VEPH1: variants seen among roughly 807,000 people sequenced by gnomAD.
VEPH1 encodes the protein ventricular zone-expressed PH domain-containing protein homolog 1.
A neutral mutation model predicts 85.2 loss-of-function variants in VEPH1; 80 were observed. The observed-to-expected ratio is 0.94, with a 90% CI of 0.78 to 1.13. VEPH1 has a LOEUF of 1.13. VEPH1 is among the 50% of genes most tolerant of loss of function. The pLI, the probability that VEPH1 is intolerant of heterozygous loss-of-function variation, is 0.00. For synonymous variants in VEPH1, 297 were observed against 348.0 expected (o/e 0.85, Z 1.63); for missense variants, 955 against 980.5 (o/e 0.97, Z 0.35).
At chr3:157,405,478 C>G (rs1731076624) in intron 6 of VEPH1, among the ~76,000 whole-genome samples, 1 of 152,116 alleles carries the variant, frequency 6.6e-6, no homozygotes, top group South Asian at 2.1e-4. Flanking sequence ...AAAACAGGAA[C>G]TATCTGCTAA....
chr3:157,398,589 A>C (rs1383274385), intron 6 of VEPH1, among the ~76,000 whole-genome samples: 2 of 151,718 alleles, frequency 1.3e-5, no homozygotes, highest in Non-Finnish European at 2.9e-5. Context: ...AGCCAAGATC[A>C]CGCCACTGCA....
chr3:157,306,790 A>T (rs185827412), intron 11 of VEPH1, among the ~76,000 whole-genome samples: 16 of 152,154 alleles, frequency 1.1e-4, no homozygotes, highest in African/African-American at 3.6e-4. Context: ...GGATGAATGA[A>T]GTCTGAGATT....
At chr3:157,431,277 T>C (rs905831422) in intron 4 of VEPH1, among the ~76,000 whole-genome samples, 7 of 152,304 alleles carry the variant, frequency 4.6e-5, no homozygotes, top group African/African-American at 1.7e-4. Flanking sequence ...ACTGAGTCAA[T>C]TAAACCTCTT....
intron 11 of VEPH1, among the ~76,000 whole-genome samples, chr3:157,303,240 A>AAT (rs1386071045): frequency 6.6e-6 from 1 of 152,206 alleles, no homozygotes; most frequent in Non-Finnish European, 1.5e-5. Flanking sequence ...TGCTCAGAGA[A>AAT]GGCTTCCTTG....
intron 6 of VEPH1, among the ~76,000 whole-genome samples, chr3:157,385,219 C>CAAA (rs66539962): frequency 6.6e-5 from 9 of 135,478 alleles, no homozygotes; most frequent in South Asian, 2.4e-4. Flanking sequence ...CTCCTCCCAT[C>CAAA]AAAAAAAAAA....
chr3:157,364,712 C>G lies in VEPH1; in HGVS notation c.1128-200G>C, dbSNP rs75812544. ...GCTTGTTCTGCCAGAAATTTAGAAA[C>G]AGTGGTGTTTATGTGAACTTTGTAT... On this transcript the variant is annotated intron_variant, in intron 7 of 13. Transcript: ENST00000362010. Among the ~76,000 whole-genome samples the G allele has an allele frequency of 1.9e-3, 294 of 152,254 alleles. 8 individuals carry two copies. In the East Asian group the frequency reaches 0.031, roughly 16 times the overall value.
intron 9 of VEPH1, among the ~76,000 whole-genome samples, chr3:157,323,125 T>C (rs1035858835): frequency 6.6e-6 from 1 of 152,230 alleles, no homozygotes; most frequent in Non-Finnish European, 1.5e-5. Context: ...TATTTTAGAC[T>C]AAAACTCTAT....
chr3:157,470,290 G>T (rs372063713), intron 3 of VEPH1, 24 bp downstream of exon 3: 433 of 1,608,052 alleles, frequency 2.7e-4, no homozygotes, highest in Non-Finnish European at 3.5e-4. Flanking sequence ...GTATCAAATA[G>T]CCTGATGTTG....
chr3:157,437,696 C>T, intron 4 of VEPH1: 2 of 1,532,020 alleles, frequency 1.3e-6, no homozygotes, highest in Non-Finnish European at 8.7e-7. Context: ...CCGTGCGCGC[C>T]GGGGGCTCCC....
rs531111834 is a variant in VEPH1, at chr3:157,451,852, T to C, written c.529+8329A>G. Among the ~76,000 whole-genome samples, 75 of 152,244 alleles carry C rather than the reference T, an allele frequency of 4.9e-4. 1 individual carries two copies. Among genetic ancestry groups the C allele is most frequent in the African/African-American group, 1.7e-3 (72 of 41,548 alleles). ...ACAAGAACCTTGGAAGAGCTGCAGA[T>C]ACACTGAGATAAAAAAACATCTAAC... On this transcript the variant is annotated intron_variant, in intron 4 of 13. Coordinates refer to ENST00000362010, the MANE Select transcript of VEPH1 (RefSeq NM_001167912.2).
chr3:157,295,838 C>G (rs1403952321), intron 11 of VEPH1, among the ~76,000 whole-genome samples: 1 of 152,112 alleles, frequency 6.6e-6, no homozygotes, highest in Non-Finnish European at 1.5e-5. Context: ...GCCTGTCGTC[C>G]CAGCTACCCA....
At chr3:157,336,444 G>T (rs1346651118) in intron 9 of VEPH1, among the ~76,000 whole-genome samples, 2 of 152,118 alleles carry the variant, frequency 1.3e-5, no homozygotes, top group Admixed American at 1.3e-4. Context: ...ACCTCTCTTG[G>T]ACCACAATGG....
chr3:157,285,648 T>C (rs1215563860), intron 12 of VEPH1, among the ~76,000 whole-genome samples: 2 of 152,198 alleles, frequency 1.3e-5, no homozygotes, highest in East Asian at 3.9e-4. Context: ...CATTGAGAGC[T>C]CTCTCCTCTC....
intron 12 of VEPH1, among the ~76,000 whole-genome samples, chr3:157,280,028 A>AG (rs893291893): frequency 2.6e-5 from 4 of 151,676 alleles, no homozygotes; most frequent in Non-Finnish European, 5.9e-5. Flanking sequence ...AAAAAAAAAA[A>AG]AAAAAGGACC....
At chr3:157,297,744 A>C (rs1252780745) in intron 11 of VEPH1, among the ~76,000 whole-genome samples, 1 of 152,156 alleles carries the variant, frequency 6.6e-6, no homozygotes, top group Non-Finnish European at 1.5e-5. Context: ...AAAGGAGGGA[A>C]TAATGACAAG....
At position 157,443,068 on chromosome 3, in the gene VEPH1, T is replaced by A. The variant is rs1230576599; in HGVS notation, c.530-14580A>T. On this transcript the variant is annotated intron_variant, in intron 4 of 13. Transcript: ENST00000362010. ...GAAGGTCTGAAAACTCAGTGCATAA[T>A]AGGAACACTTGAGACTAATGAAAGA... 7 of 1,426,074 alleles carry A rather than the reference T, an allele frequency of 4.9e-6. No individual in the cohort carries two copies. The East Asian group carries it at 1.6e-4, about 33-fold the overall frequency. 88.3% of individuals were successfully genotyped at this position (1,426,074 alleles called of 1,614,324 possible). A position where few individuals can be genotyped will look rare whatever the true frequency, so the allele number is the denominator to read the frequency against.
At chr3:157,332,559 A>G (rs1230237670) in intron 9 of VEPH1, among the ~76,000 whole-genome samples, 1 of 152,180 alleles carries the variant, frequency 6.6e-6, no homozygotes, top group Non-Finnish European at 1.5e-5. Flanking sequence ...ATGTTGTAGC[A>G]TGCATCAGTA....
intron 9 of VEPH1, among the ~76,000 whole-genome samples, chr3:157,327,200 C>T (rs1433477971): frequency 6.6e-6 from 1 of 152,152 alleles, no homozygotes; most frequent in Non-Finnish European, 1.5e-5. Context: ...TATCCAGGGA[C>T]ATTAATGCTT....
intron 1 of VEPH1, among the ~76,000 whole-genome samples, chr3:157,498,764 T>G (rs1456093): frequency 0.66 from 101,054 of 152,114 alleles, 34,381 homozygotes; most frequent in African/African-American, 0.81. Flanking sequence ...TCTCCTGCTG[T>G]TCTTTTTGCA....
Sources: allele counts gnomAD v4.1 joint callset (sites outside exome capture counted in the v4.1 genomes callset), GRCh38; gene constraint gnomAD v4.1.1; transcripts MANE v1.5; gene names NCBI Gene and HGNC (gene_info 2026-07-23, HGNC 2026-07-21).